TECPR2: variants seen among roughly 807,000 people sequenced by gnomAD.
The protein encoded by TECPR2 is tectonin beta-propeller repeat-containing protein 2.
TECPR2 carries 65 observed loss-of-function variants against 138.1 expected under a neutral mutation model. The observed-to-expected ratio is 0.47, with a 90% CI of 0.39 to 0.58. The LOEUF (loss-of-function observed/expected upper bound fraction) is 0.58. TECPR2 is among the 20% of genes least tolerant of loss of function. The pLI is 0.00. For synonymous variants in TECPR2, 746 were observed against 749.8 expected, an observed-to-expected ratio of 0.99 and a Z score of 0.08; for missense variants, 1,553 against 1,824.5, an observed-to-expected ratio of 0.85 and a Z score of 2.71.
rs149396684 is a variant in TECPR2, at chr14:102,452,421, G to A, written c.3434G>A (p.Ser1145Asn). 4.4e-5 allele frequency: 71 copies of A among 1,611,392 alleles called. No homozygotes were observed. The highest frequency in any genetic ancestry group is 5.6e-5 in the Non-Finnish European group (66 of 1,177,944). ...AGCTTCCTGTGGCTGTGCCAGAGCA[G>A]CAAGGACCTGTGCAGCGTCAGCGCC... The part of the protein sequence containing the change: ...EGSFLWLCQS[S>N]KDLCSVSAQS... Residue 1145 changes from serine to asparagine, a missense_variant, in exon 16 of 20, where the codon AGC (serine) becomes AAC (asparagine). Physicochemically the swap from Ser to Asn is conservative, Grantham distance 46. Transcript: ENST00000359520.
intron 1 of TECPR2, among the ~76,000 whole-genome samples, 164 bp downstream of exon 1, chr14:102,363,280 C>T (rs1887233620): frequency 6.6e-6 from 1 of 152,152 alleles, no homozygotes; most frequent in Non-Finnish European, 1.5e-5. Context: ...CTCGCCCGCG[C>T]GGAGTGGCGG....
intron 17 of TECPR2, among the ~76,000 whole-genome samples, chr14:102,469,747 A>G (rs1890619738): frequency 6.6e-6 from 1 of 152,122 alleles, no homozygotes; most frequent in Admixed American, 6.5e-5. Flanking sequence ...TTCTACTCCT[A>G]GAAGGAATTC....
intron 2 of TECPR2, among the ~76,000 whole-genome samples, chr14:102,400,816 G>A (rs548346885): frequency 1.2e-4 from 18 of 149,362 alleles, no homozygotes; most frequent in East Asian, 6.1e-4. Context: ...GGTGGATCAC[G>A]AGGTCAGGAG....
rs765475573 is a variant in TECPR2, at chr14:102,438,084, C to T, written c.2457C>T (p.Ser819=). The part of the protein sequence containing the change: ...PGYGILSLVV[S]EKYIWCLDYK... Reference sequence around the variant, plus strand: ...ATGGCATCCTCAGCTTGGTGGTCTCCGAGAAGTATATCTGGTGCCTGGACT... The same window carrying T: ...ATGGCATCCTCAGCTTGGTGGTCTCTGAGAAGTATATCTGGTGCCTGGACT... The change falls in exon 10 of 20, where the codon TCC becomes TCT. Residue 819 remains serine, a synonymous_variant. Coordinates refer to ENST00000359520, the MANE Select transcript of TECPR2 (RefSeq NM_014844.5). 2.7e-5 allele frequency: 43 copies of T among 1,614,156 alleles called. No individual in the cohort carries two copies. The highest frequency in any genetic ancestry group is 4.4e-5 in the South Asian group (4 of 91,082).
chr14:102,481,416 T>C (rs1212701396), intron 17 of TECPR2, among the ~76,000 whole-genome samples: 4 of 152,188 alleles, frequency 2.6e-5, no homozygotes, highest in South Asian at 4.1e-4. Flanking sequence ...CCCAAAGTGT[T>C]GGGATTACAG....
At chr14:102,431,381 T>G (rs1377344892) in intron 7 of TECPR2, among the ~76,000 whole-genome samples, 27 of 144,902 alleles carry the variant, frequency 1.9e-4, no homozygotes, top group Non-Finnish European at 4.0e-4. Flanking sequence ...CTCACTGTGT[T>G]GCCCAGGCTG....
intron 6 of TECPR2, 110 bp downstream of exon 6, chr14:102,425,401 T>G: frequency 9.1e-7 from 1 of 1,094,374 alleles, no homozygotes; most frequent in Non-Finnish European, 1.2e-6. Context: ...AGTATTGACT[T>G]ACACTTTACT....
chr14:102,486,624 G>A (rs139764592), intron 17 of TECPR2, among the ~76,000 whole-genome samples: 1 of 152,316 alleles, frequency 6.6e-6, no homozygotes, highest in African/African-American at 2.4e-5. Flanking sequence ...AAAACTGCTG[G>A]TCTTCGGGCC....
chr14:102,458,618 A>C (rs1890330401), intron 16 of TECPR2, among the ~76,000 whole-genome samples: 1 of 152,122 alleles, frequency 6.6e-6, no homozygotes, highest in Non-Finnish European at 1.5e-5. Context: ...CATGTTGGCC[A>C]GGCTGGTCTT....
chr14:102,489,014 C>A (rs937411255), intron 17 of TECPR2, among the ~76,000 whole-genome samples: 1 of 151,972 alleles, frequency 6.6e-6, no homozygotes, highest in Non-Finnish European at 1.5e-5. Flanking sequence ...TCCCGAGACA[C>A]TAGGACTACA....
At chr14:102,367,430 C>T (rs932719394) in intron 1 of TECPR2, among the ~76,000 whole-genome samples, 2 of 152,184 alleles carry the variant, frequency 1.3e-5, no homozygotes, top group Non-Finnish European at 2.9e-5. Context: ...CTTCTCCCAG[C>T]CCTGGGCAAC....
At chr14:102,372,701 C>T (rs905087679) in intron 1 of TECPR2, among the ~76,000 whole-genome samples, 1 of 152,110 alleles carries the variant, frequency 6.6e-6, no homozygotes, top group Admixed American at 6.5e-5. Context: ...GGGTGGATCA[C>T]CTGAGATCAG....
intron 4 of TECPR2, among the ~76,000 whole-genome samples, chr14:102,412,308 A>G (rs935292026): frequency 6.6e-6 from 1 of 151,550 alleles, no homozygotes; most frequent in African/African-American, 2.4e-5. Context: ...ATTTTTTTGT[A>G]TTTTTATAGA....
At chr14:102,366,716 A>G (rs72698588) in intron 1 of TECPR2, among the ~76,000 whole-genome samples, 4,019 of 152,354 alleles carry the variant, frequency 0.026, 87 homozygotes, top group South Asian at 0.096. Flanking sequence ...TTTACTGAGC[A>G]TCTACTCTGT....
At chr14:102,448,946 C>T (rs957193616) in intron 13 of TECPR2, among the ~76,000 whole-genome samples, 6 of 151,874 alleles carry the variant, frequency 4.0e-5, no homozygotes, top group African/African-American at 1.5e-4. Context: ...ATACTGTTGT[C>T]CATTGGAAAT....
At chr14:102,414,543 C>T in intron 4 of TECPR2, 93 bp from the exon 5 acceptor site, 4 of 1,488,530 alleles carry the variant, frequency 2.7e-6, no homozygotes, top group Non-Finnish European at 3.6e-6. Context: ...CTGACCTAAG[C>T]ACAGCTAGCG....
chr14:102,391,342 G>A (rs1170576296), intron 2 of TECPR2, among the ~76,000 whole-genome samples: 4 of 152,188 alleles, frequency 2.6e-5, no homozygotes, highest in Non-Finnish European at 4.4e-5. Context: ...TTACAGGCAT[G>A]AGCCACTGTG....
intron 2 of TECPR2, among the ~76,000 whole-genome samples, chr14:102,403,628 A>G (rs1177890399): frequency 6.6e-6 from 1 of 152,224 alleles, no homozygotes; most frequent in Non-Finnish European, 1.5e-5. Flanking sequence ...TAGAAACCCT[A>G]AAGATTCCAC....
At chr14:102,414,569 T>C (rs1012863165) in intron 4 of TECPR2, 67 bp from the exon 5 acceptor site, 1 of 1,577,854 alleles carries the variant, frequency 6.3e-7, no homozygotes, top group Non-Finnish European at 8.6e-7. Context: ...GACACTGACT[T>C]GTCCTAAGGG....
Sources: allele counts gnomAD v4.1 joint callset (sites outside exome capture counted in the v4.1 genomes callset), GRCh38; gene constraint gnomAD v4.1.1; transcripts MANE v1.5; gene names NCBI Gene and HGNC (gene_info 2026-07-23, HGNC 2026-07-21).